The following ARSK variants were observed in gnomAD, a reference collection of about 807,000 sequenced individuals.
The protein encoded by ARSK is arylsulfatase K.
Under a neutral mutation model 53.2 loss-of-function variants are expected in ARSK, and 37 were observed. That is an observed-to-expected ratio of 0.70 (90% CI 0.54 to 0.92). The LOEUF (loss-of-function observed/expected upper bound fraction) is 0.92. Among genes scored for constraint, ARSK ranks in the 40% least tolerant of loss-of-function variants. The pLI, the probability that ARSK is intolerant of heterozygous loss-of-function variation, is 0.00. For synonymous variants in ARSK, 208 were observed against 223.2 expected (o/e 0.93, Z 0.61); for missense variants, 613 against 643.0 (o/e 0.95, Z 0.51).
chr5:95,595,326 T>A (rs143622392), intron 6 of ARSK, among the ~76,000 whole-genome samples: 11 of 152,244 alleles, frequency 7.2e-5, no homozygotes, highest in African/African-American at 2.2e-4. Context: ...AGCAATCCCA[T>A]TACTGGGTAC....
At chr5:95,558,812 T>C (rs1035084928) in intron 1 of ARSK, among the ~76,000 whole-genome samples, 2 of 152,196 alleles carry the variant, frequency 1.3e-5, no homozygotes, top group Non-Finnish European at 1.5e-5. Flanking sequence ...CTTCATCTAC[T>C]CTTCCAAAAA....
chr5:95,564,950 G>C (rs1414422496), intron 1 of ARSK, among the ~76,000 whole-genome samples: 2 of 152,064 alleles, frequency 1.3e-5, no homozygotes, highest in Non-Finnish European at 2.9e-5. Flanking sequence ...CGCCAAGATA[G>C]ACTTCTCTCA....
intron 2 of ARSK, among the ~76,000 whole-genome samples, chr5:95,567,205 T>C (rs574273666): frequency 9.2e-5 from 14 of 152,306 alleles, no homozygotes; most frequent in South Asian, 4.1e-4. Context: ...TTGTTTTTCC[T>C]GGAAGAAGTA....
rs372459152 is a variant in ARSK at position 95,597,494 on chromosome 5, T to C, written c.1097-3353T>C. On this transcript the variant is annotated intron_variant, in intron 6 of 7. Transcript: ENST00000380009. ...TGGTGTAGTATTAAAAGTACAGAGA[T>C]TGTAAGGTCAGACTGCCTAAGTTCA... 1.4e-4 allele frequency among the ~76,000 whole-genome samples: 21 copies of C among 152,272 alleles called. No homozygotes were observed. In the South Asian group the frequency reaches 4.1e-3, roughly 30 times the overall value.
chr5:95,580,805 G>A, intron 3 of ARSK: 4 of 599,124 alleles, frequency 6.7e-6, no homozygotes, highest in Non-Finnish European at 1.0e-5. Context: ...AAGTACTGTA[G>A]TATATTCATC....
chr5:95,576,345 C>T (rs1259875127), intron 3 of ARSK, among the ~76,000 whole-genome samples: 2 of 151,456 alleles, frequency 1.3e-5, no homozygotes. Flanking sequence ...ACTATAGGTG[C>T]ATGCCACTAC....
intron 3 of ARSK, among the ~76,000 whole-genome samples, chr5:95,569,136 C>A (rs1011089584): frequency 6.6e-6 from 1 of 152,116 alleles, no homozygotes; most frequent in Non-Finnish European, 1.5e-5. Flanking sequence ...TCCTACTGAA[C>A]TTCGGTGTGA....
At chr5:95,571,483 T>C (rs1290580580) in intron 3 of ARSK, among the ~76,000 whole-genome samples, 1 of 152,244 alleles carries the variant, frequency 6.6e-6, no homozygotes, top group African/African-American at 2.4e-5. Flanking sequence ...TAACACAGGA[T>C]CATATCACTT....
Position 95,603,629 on chromosome 5 carries a change from G to A in ARSK, c.*103G>A. 8.9e-7 allele frequency: 1 copy of A among 1,124,568 alleles called. No homozygotes were observed. Among genetic ancestry groups the A allele is most frequent in the South Asian group, 2.1e-5 (1 of 48,218 alleles). 69.7% of individuals were successfully genotyped at this position (1,124,568 alleles called of 1,614,324 possible). ...CAGTTTTAATAATTACCAAGTTTTG[G>A]CCGGGCACAGTGGCTCACACCTGTA... On this transcript the variant is annotated 3_prime_UTR_variant, in exon 8 of 8. Coordinates refer to ENST00000380009, the MANE Select transcript of ARSK (RefSeq NM_198150.3).
chr5:95,578,157 G>C (rs1229789549), intron 3 of ARSK, among the ~76,000 whole-genome samples: 1 of 151,800 alleles, frequency 6.6e-6, no homozygotes, highest in Non-Finnish European at 1.5e-5. Flanking sequence ...TTTGAGAGAA[G>C]AATTTTTTTT....
intron 2 of ARSK, 132 bp from the exon 3 acceptor site, chr5:95,567,758 C>T (rs1748750046): frequency 1.3e-6 from 1 of 744,048 alleles, no homozygotes; most frequent in Admixed American, 3.1e-5. Flanking sequence ...TTTGGTAAGG[C>T]ACCTAATCTG....
rs1748959416 is a variant in ARSK, at chr5:95,578,227, C to A, written c.417-4689C>A. Among the ~76,000 whole-genome samples the A allele has an allele frequency of 2.0e-5, 3 of 152,190 alleles. 1 individual carries two copies. The South Asian group carries it at 6.2e-4, about 32-fold the overall frequency. On this transcript the variant is annotated intron_variant, in intron 3 of 7. Coordinates refer to ENST00000380009, the MANE Select transcript of ARSK (RefSeq NM_198150.3). The stretch of plus-strand genomic sequence containing the variant: ...AGTAAAGTGGCAGGATCATAGCTCA[C>A]TGAAGCCTCAAACTCCTGACCATAA...
chr5:95,602,244 C>T (rs1749414135), intron 7 of ARSK, among the ~76,000 whole-genome samples: 1 of 152,104 alleles, frequency 6.6e-6, no homozygotes, highest in South Asian at 2.1e-4. Flanking sequence ...AATGCCTTTT[C>T]TAAATCTTTA....
intron 1 of ARSK, among the ~76,000 whole-genome samples, chr5:95,559,930 G>C (rs1194991736): frequency 2.0e-5 from 3 of 152,138 alleles, no homozygotes; most frequent in Non-Finnish European, 4.4e-5. Context: ...CAGTAATCTT[G>C]TATGTAGGAT....
chr5:95,594,023 G>GA (rs1749260802), intron 6 of ARSK, among the ~76,000 whole-genome samples: 1 of 152,104 alleles, frequency 6.6e-6, no homozygotes, highest in Non-Finnish European at 1.5e-5. Context: ...ATTCTAAACT[G>GA]AAAAATTAAC....
chr5:95,576,304 T>G (rs1003501349), intron 3 of ARSK, among the ~76,000 whole-genome samples: 1 of 150,534 alleles, frequency 6.6e-6, no homozygotes, highest in African/African-American at 2.5e-5. Flanking sequence ...GTTCAAACGA[T>G]TCTCCTACCT....
chr5:95,573,416 A>G (rs1748868569), intron 3 of ARSK, among the ~76,000 whole-genome samples: 1 of 152,238 alleles, frequency 6.6e-6, no homozygotes, highest in African/African-American at 2.4e-5. Flanking sequence ...TTTCAGTTAC[A>G]AAAGTAAAAT....
rs918373986 is a variant in ARSK, at chr5:95,577,198, G to T, written c.417-5718G>T. Among the ~76,000 whole-genome samples, 25 of 152,136 alleles carry T rather than the reference G, an allele frequency of 1.6e-4. 1 individual carries two copies. The Middle Eastern group carries it at 0.01, about 62-fold the overall frequency. On this transcript the variant is annotated intron_variant, in intron 3 of 7. Coordinates refer to ENST00000380009, the MANE Select transcript of ARSK (RefSeq NM_198150.3). ...TTCAGATTTGATGGCATTTTGTCTG[G>T]GTTACATTTTCTGTATAATATTGAA...
chr5:95,580,305 A>G (rs1749000614), intron 3 of ARSK, among the ~76,000 whole-genome samples: 1 of 152,170 alleles, frequency 6.6e-6, no homozygotes, highest in African/African-American at 2.4e-5. Flanking sequence ...TTTTATTTGG[A>G]AAAAGTTATA....
Sources: allele counts gnomAD v4.1 joint callset (sites outside exome capture counted in the v4.1 genomes callset), GRCh38; gene constraint gnomAD v4.1.1; transcripts MANE v1.5; gene names NCBI Gene and HGNC (gene_info 2026-07-23, HGNC 2026-07-21).